NFIX: variants seen among roughly 807,000 people sequenced by gnomAD.
NFIX encodes the protein nuclear factor I X, also known as nuclear factor 1 X-type.
A neutral mutation model predicts 53.3 loss-of-function variants in NFIX; 2 were observed. That is an observed-to-expected ratio of 0.04 (90% confidence interval 0.02 to 0.12). The LOEUF (loss-of-function observed/expected upper bound fraction) is 0.12, where lower values mean the gene tolerates loss of function less well. Ranked by LOEUF, NFIX falls within the 10% of genes least tolerant of loss-of-function variation. The pLI, the probability that NFIX is intolerant of heterozygous loss-of-function variation, is 1.00. For synonymous variants in NFIX, 244 were observed against 289.0 expected (o/e 0.84, Z 1.58); for missense variants, 310 against 674.5 (o/e 0.46, Z 5.99).
rs551885850 is a variant in NFIX at position 12,995,887 on chromosome 19, G to A, written c.27+23G>A. 2.7e-4 allele frequency: 264 copies of A among 975,400 alleles called. 1 individual carries two copies. In the African/African-American group the frequency reaches 3.9e-3, roughly 15 times the overall value. The allele number at this position is 975,400 out of a possible 1,614,324, so 60.4% of individuals were successfully genotyped here. On this transcript the variant is annotated intron_variant, in intron 1 of 10. Coordinates refer to ENST00000592199, the MANE Select transcript of NFIX (RefSeq NM_001365902.3). ...CAGGTACCGGCCGCCGCCCCCGCGC[G>A]ACCGGGGGAGGGGAGCGGGCGCGGG...
rs1436368657 is a variant in NFIX, at chr19:13,027,225, G to A, written c.559+1673G>A. On this transcript the variant is annotated intron_variant, in intron 2 of 10. Transcript: ENST00000592199. The surrounding 1 kb of genome is among the most constrained non-coding windows in gnomAD (Gnocchi z 4.3). The stretch of plus-strand genomic sequence containing the variant: ...TGTGGATCTTTCTAGGCCTGCATCC[G>A]GCCCTGTGTGACCATCGTGACCCGT... Among the ~76,000 whole-genome samples, 4 of 152,134 alleles carry A rather than the reference G, an allele frequency of 2.6e-5. No homozygotes were observed. Among genetic ancestry groups the A allele is most frequent in the Admixed American group, 6.5e-5 (1 of 15,274 alleles).
chr19:13,015,008 A>C (rs572961576), intron 1 of NFIX, among the ~76,000 whole-genome samples: 1 of 152,274 alleles, frequency 6.6e-6, no homozygotes, highest in African/African-American at 2.4e-5. Context: ...AATGGGCAAT[A>C]AATGGGCATA....
rs1006354843 is a variant in NFIX, at chr19:13,045,458, C to T, written c.559+19906C>T. Among the ~76,000 whole-genome samples the T allele has an allele frequency of 2.0e-5, 3 of 151,968 alleles. No individual in the cohort carries two copies. Among genetic ancestry groups the T allele is most frequent in the Non-Finnish European group, 4.4e-5 (3 of 67,996 alleles). ...GCTAGCTGTCCTACACTGCACAAGA[C>T]GACCCCCCATAGAAGACAGTATCTA... On this transcript the variant is annotated intron_variant, in intron 2 of 10. Transcript: ENST00000592199. The surrounding 1 kb of genome is among the most constrained non-coding windows in gnomAD (Gnocchi z 4.4).
rs1008032940 is a variant in NFIX at position 13,037,140 on chromosome 19, G to T, written c.559+11588G>T. On this transcript the variant is annotated intron_variant, in intron 2 of 10. Transcript: ENST00000592199. This position sits in a 1 kb window ranked among gnomAD's most constrained non-coding sequence, Gnocchi z 4.2. Reference sequence around the variant, plus strand: ...TAGACTCCGTTTCCTTTCATCTTTAGGGGGTCTCAAGTCCCCTTTCCTGTG... The same window carrying T: ...TAGACTCCGTTTCCTTTCATCTTTATGGGGTCTCAAGTCCCCTTTCCTGTG... 3.9e-5 allele frequency among the ~76,000 whole-genome samples: 6 copies of T among 152,254 alleles called. No individual in the cohort carries two copies. The highest frequency in any genetic ancestry group is 1.4e-4 in the African/African-American group (6 of 41,544).
rs2012340441 is a variant in NFIX, at chr19:13,011,487, T to C, written c.28-13534T>C. Reference sequence around the variant, plus strand: ...GGTGGAGGCGAGTTCCCTGCGCGCATCATGGACTTCAGGAGTGAGGGTGGG... The same window carrying C: ...GGTGGAGGCGAGTTCCCTGCGCGCACCATGGACTTCAGGAGTGAGGGTGGG... On this transcript the variant is annotated intron_variant, in intron 1 of 10. Coordinates refer to ENST00000592199, the MANE Select transcript of NFIX (RefSeq NM_001365902.3). This position sits in a 1 kb window ranked among gnomAD's most constrained non-coding sequence, Gnocchi z 6.5. Among the ~76,000 whole-genome samples the C allele has an allele frequency of 6.8e-6, 1 of 146,308 alleles. No homozygotes were observed. The highest frequency in any genetic ancestry group is 6.7e-5 in the Admixed American group (1 of 14,914).
intron 1 of NFIX, chr19:13,023,959 C>A: frequency 2.2e-6 from 3 of 1,377,520 alleles, no homozygotes; most frequent in African/African-American, 1.5e-5. Context: ...CCCCCACCCG[C>A]CCCCAACTCA....
intron 2 of NFIX, among the ~76,000 whole-genome samples, chr19:13,064,854 G>A (rs2016306448): frequency 6.6e-6 from 1 of 152,196 alleles, no homozygotes; most frequent in Admixed American, 6.5e-5. Context: ...CCAGGTGGAA[G>A]GACAGGCGAC....
intron 2 of NFIX, among the ~76,000 whole-genome samples, chr19:13,046,470 C>A (rs1034389436): frequency 2.6e-5 from 4 of 152,040 alleles, no homozygotes; most frequent in Non-Finnish European, 2.9e-5. Flanking sequence ...TGCCTTCCCC[C>A]CCCCTCTTTT....
At chr19:13,000,103 C>T (rs894607580) in intron 1 of NFIX, among the ~76,000 whole-genome samples, 9 of 152,168 alleles carry the variant, frequency 5.9e-5, no homozygotes, top group African/African-American at 2.2e-4. Context: ...ACGGAGGCTG[C>T]GGGAGCGGAG....
At chr19:13,042,948 C>T (rs776665391) in intron 2 of NFIX, among the ~76,000 whole-genome samples, 2 of 152,208 alleles carry the variant, frequency 1.3e-5, no homozygotes, top group East Asian at 1.9e-4. Flanking sequence ...TCAGGCAGCA[C>T]GCAAGGATCC....
rs2018346561 is a variant in NFIX, at chr19:13,094,889, C to T, written c.*240C>T. ...TCTCGGTGGAGCTGTGCACCAGCAG[C>T]CAAGCAGAAAGAAACACGCGACATG... On this transcript the variant is annotated 3_prime_UTR_variant, in exon 11 of 11. Transcript: ENST00000592199. This position sits in a 1 kb window ranked among gnomAD's most constrained non-coding sequence, Gnocchi z 4.3. 1.9e-6 allele frequency: 1 copy of T among 523,162 alleles called. No individual in the cohort carries two copies. Among genetic ancestry groups the T allele is most frequent in the African/African-American group, 2.0e-5 (1 of 50,594 alleles). 32.4% of individuals were successfully genotyped at this position (523,162 alleles called of 1,614,324 possible).
At chr19:13,008,920 C>G (rs1357421364) in intron 1 of NFIX, among the ~76,000 whole-genome samples, 1 of 152,206 alleles carries the variant, frequency 6.6e-6, no homozygotes, top group Non-Finnish European at 1.5e-5. Flanking sequence ...CAAGAGGAAA[C>G]CGGAGTGAGT....
chr19:13,023,311 T>TCC (rs1258293917), intron 1 of NFIX, among the ~76,000 whole-genome samples: 1 of 143,226 alleles, frequency 7.0e-6, no homozygotes, highest in Non-Finnish European at 1.5e-5. Flanking sequence ...GATCTCTCCC[T>TCC]CCCCCCCTTC....
chr19:13,036,089 A>T lies in NFIX; in HGVS notation c.559+10537A>T, dbSNP rs2014166712. Among the ~76,000 whole-genome samples, 6 of 152,172 alleles carry T rather than the reference A, an allele frequency of 3.9e-5. No homozygotes were observed. The highest frequency in any genetic ancestry group is 3.9e-4 in the Admixed American group (6 of 15,272). ...GGCCTAAGCCTCAGCCTGCCCTGAG[A>T]TCCCCACCAAGGGGGCTGCGGCTGG... On this transcript the variant is annotated intron_variant, in intron 2 of 10. Coordinates refer to ENST00000592199, the MANE Select transcript of NFIX (RefSeq NM_001365902.3). The surrounding 1 kb of genome is among the most constrained non-coding windows in gnomAD (Gnocchi z 4.7).
chr19:13,038,793 G>A (rs1313099395), intron 2 of NFIX, among the ~76,000 whole-genome samples: 4 of 152,218 alleles, frequency 2.6e-5, no homozygotes, highest in African/African-American at 7.2e-5. Flanking sequence ...AGGCCAGGAT[G>A]GTGGTGGTGG....
intron 2 of NFIX, among the ~76,000 whole-genome samples, chr19:13,038,452 C>T (rs1310579542): frequency 6.6e-6 from 1 of 152,114 alleles, no homozygotes; most frequent in Admixed American, 6.6e-5. Flanking sequence ...GACCCAGTGA[C>T]CAGGGCTGGA....
rs548333006 is a variant in NFIX at position 13,005,953 on chromosome 19, A to G, written c.27+10089A>G. Among the ~76,000 whole-genome samples the G allele has an allele frequency of 6.6e-6, 1 of 152,278 alleles. No individual in the cohort carries two copies. Among genetic ancestry groups the G allele is most frequent in the East Asian group, 1.9e-4 (1 of 5,186 alleles). ...TTGCTGGGCACCCAGCCGGAGCTCA[A>G]ATGCTGGGGGTGCAGCCGGGAGCCT... On this transcript the variant is annotated intron_variant, in intron 1 of 10. Transcript: ENST00000592199. This position sits in a 1 kb window ranked among gnomAD's most constrained non-coding sequence, Gnocchi z 4.7.
chr19:13,027,298 ATTTTTTCTTTTGTC>A lies in NFIX; in HGVS notation c.559+1758_559+1771del, dbSNP rs2013443932. Among the ~76,000 whole-genome samples the A allele has an allele frequency of 1.3e-5, 2 of 151,866 alleles. No individual in the cohort carries two copies. The highest frequency in any genetic ancestry group is 2.1e-4 in the South Asian group (1 of 4,814). On this transcript the variant is annotated intron_variant, in intron 2 of 10. Transcript: ENST00000592199. The surrounding 1 kb of genome is among the most constrained non-coding windows in gnomAD (Gnocchi z 4.3). ...GTCATTCCCCCTCCCTTCAGCTTGA[ATTTTTTCTTTTGTC>A]TTTTTTCTTTTTGGAAAACAGACTG...
chr19:13,009,473 C>T lies in NFIX; in HGVS notation c.27+13609C>T, dbSNP rs2012210274. ...GGTGGGGATTACCCAGCCAGATTCC[C>T]AGGAGTGAGCAAGACTTAAACAGGT... On this transcript the variant is annotated intron_variant, in intron 1 of 10. Coordinates refer to ENST00000592199, the MANE Select transcript of NFIX (RefSeq NM_001365902.3). The surrounding 1 kb of genome is among the most constrained non-coding windows in gnomAD (Gnocchi z 4.7). Among the ~76,000 whole-genome samples the T allele has an allele frequency of 6.6e-6, 1 of 152,190 alleles. No individual in the cohort carries two copies. Among genetic ancestry groups the T allele is most frequent in the South Asian group, 2.1e-4 (1 of 4,832 alleles).
Sources: gnomAD v4.1 joint callset for allele counts (sites outside exome capture counted in the v4.1 genomes callset) on GRCh38, gnomAD v4.1.1 for gene constraint, Gnocchi (gnomAD v3.1) non-coding constraint, MANE v1.5 for transcripts, NCBI Gene and HGNC (gene_info 2026-07-23, HGNC 2026-07-21) for gene names.